The following MIB1 variants were observed in gnomAD, a reference collection of about 807,000 sequenced individuals.
The protein encoded by MIB1 is E3 ubiquitin-protein ligase MIB1.
A neutral mutation model predicts 124.5 loss-of-function variants in MIB1; 278 were observed. That is an observed-to-expected ratio of 2.23 (90% CI 2.02 to 2.47). The LOEUF (loss-of-function observed/expected upper bound fraction) is 2.47. Ranked by LOEUF, MIB1 falls within the 30% of genes most tolerant of loss-of-function variation. The pLI is 0.00. For synonymous variants in MIB1, 446 were observed against 429.4 expected (o/e 1.04, Z -0.48); for missense variants, 957 against 1,254.4 (o/e 0.76, Z 3.58).
chr18:21,840,859 AATTAGT>A (rs1256101084), intron 13 of MIB1, among the ~76,000 whole-genome samples: 1 of 151,642 alleles, frequency 6.6e-6, no homozygotes, highest in Non-Finnish European at 1.5e-5. Flanking sequence ...AAACACAAAA[AATTAGT>A]ATTAGTATAT....
In MIB1 at chr18:21,862,196, C is replaced by T. The variant is rs375545273; in HGVS notation, c.2881-2330C>T. ...ACAGGCGTGAGCTACCGCGCCTGGCCGGCTTTTTAAAAATCTAAAAAGATG... is the reference window on the plus strand; with the variant it reads ...ACAGGCGTGAGCTACCGCGCCTGGCTGGCTTTTTAAAAATCTAAAAAGATG... On this transcript the variant is annotated intron_variant, in intron 20 of 20. Coordinates refer to ENST00000261537, the MANE Select transcript of MIB1 (RefSeq NM_020774.4). 6.8e-4 allele frequency among the ~76,000 whole-genome samples: 7 copies of T among 10,236 alleles called. No homozygotes were observed. The East Asian group carries it at 0.075, about 110-fold the overall frequency. The allele number at this position is 10,236 out of a possible 152,430, so 6.7% of individuals were successfully genotyped here.
intron 1 of MIB1, among the ~76,000 whole-genome samples, chr18:21,749,914 T>G (rs2040955156): frequency 6.6e-6 from 1 of 152,088 alleles, no homozygotes; most frequent in East Asian, 1.9e-4. Context: ...AGTGCTGGGA[T>G]TACAGGCATG....
At chr18:21,795,313 T>TTATATAG (rs2041562258) in intron 7 of MIB1, among the ~76,000 whole-genome samples, 1 of 133,212 alleles carries the variant, frequency 7.5e-6, no homozygotes, top group African/African-American at 3.3e-5. Context: ...TAAATATATA[T>TTATATAG]TATATATAAT....
chr18:21,829,175 G>A, intron 12 of MIB1: 1 of 374,844 alleles, frequency 2.7e-6, no homozygotes, highest in Non-Finnish European at 5.2e-6. Context: ...GTAGAGCAAT[G>A]GTAAATCATT....
At chr18:21,798,387 TA>T (rs1472979999) in intron 8 of MIB1, among the ~76,000 whole-genome samples, 159 bp downstream of exon 8, 4 of 152,134 alleles carry the variant, frequency 2.6e-5, no homozygotes, top group Non-Finnish European at 2.9e-5. Flanking sequence ...AAACTTTCAC[TA>T]AAAATTTTTG....
rs972511176 is a variant in MIB1 at position 21,740,939 on chromosome 18, G to C, written c.-645G>C. 6.6e-6 allele frequency among the ~76,000 whole-genome samples: 1 copy of C among 152,224 alleles called. No homozygotes were observed. The highest frequency in any genetic ancestry group is 2.4e-5 in the African/African-American group (1 of 41,474). On this transcript the variant is annotated 5_prime_UTR_variant, in exon 1 of 21. Transcript: ENST00000261537. ...AAGGTGCCGCTCCGGCCTTGGGTAC[G>C]GCGGTACCCGGATGTGGAGTCGCTC... is the stretch of plus-strand genomic sequence containing the variant.
At position 21,803,768 on chromosome 18, in the gene MIB1, A is replaced by G. The variant is rs1053301793; in HGVS notation, c.1372-139A>G. 41 of 557,430 alleles carry G rather than the reference A, an allele frequency of 7.4e-5. No homozygotes were observed. In the Admixed American group the frequency reaches 1.2e-3, roughly 17 times the overall value. 34.5% of individuals were successfully genotyped at this position (557,430 alleles called of 1,614,324 possible). Reference sequence around the variant, plus strand: ...AATTAAGAAGTCTGTAGTTATCTGAACTATGATATATGGAACACCAACCTA... The same window carrying G: ...AATTAAGAAGTCTGTAGTTATCTGAGCTATGATATATGGAACACCAACCTA... On this transcript the variant is annotated intron_variant, in intron 9 of 20. Coordinates refer to ENST00000261537, the MANE Select transcript of MIB1 (RefSeq NM_020774.4).
At chr18:21,768,589 A>G (rs1568193448) in intron 2 of MIB1, 34 bp from the exon 3 acceptor site, 4 of 1,411,264 alleles carry the variant, frequency 2.8e-6, no homozygotes, top group African/African-American at 1.4e-5. Flanking sequence ...ACCTATTTTT[A>G]TATAAACTTG....
chr18:21,772,897 A>C lies in MIB1; in HGVS notation c.532-727A>C, dbSNP rs57237841. Among the ~76,000 whole-genome samples, 1,347 of 152,310 alleles carry C rather than the reference A, an allele frequency of 8.8e-3. 21 individuals are homozygous for C. Among genetic ancestry groups the C allele is most frequent in the African/African-American group, 0.03 (1,259 of 41,546 alleles). ...GTGCTTGTTAATTTTTAGTTGACCA[A>C]AAAGGTTTATCTTGAATCATTTTGG... On this transcript the variant is annotated intron_variant, in intron 3 of 20. Transcript: ENST00000261537.
At chr18:21,829,795 C>T (rs1381368239) in intron 12 of MIB1, among the ~76,000 whole-genome samples, 1 of 151,978 alleles carries the variant, frequency 6.6e-6, no homozygotes, top group Non-Finnish European at 1.5e-5. Context: ...GTAGAAATAT[C>T]TAATTTTGGT....
At chr18:21,863,988 G>C (rs1484774427) in intron 20 of MIB1, among the ~76,000 whole-genome samples, 1 of 152,024 alleles carries the variant, frequency 6.6e-6, no homozygotes, top group Non-Finnish European at 1.5e-5. Flanking sequence ...CCTGGCGACA[G>C]AGTGAGACTC....
intron 17 of MIB1, among the ~76,000 whole-genome samples, chr18:21,852,769 T>C (rs1002343929): frequency 3.3e-5 from 5 of 152,226 alleles, no homozygotes; most frequent in Non-Finnish European, 5.9e-5. Flanking sequence ...TGTCTTTCAG[T>C]CATTTCTTAT....
intron 4 of MIB1, among the ~76,000 whole-genome samples, chr18:21,776,312 T>C (rs953678917): frequency 6.6e-6 from 1 of 151,528 alleles, no homozygotes; most frequent in Non-Finnish European, 1.5e-5. Context: ...TTGACACCTA[T>C]GTCTCTTTGG....
At chr18:21,834,684 A>G (rs866516676) in intron 12 of MIB1, among the ~76,000 whole-genome samples, 2 of 152,356 alleles carry the variant, frequency 1.3e-5, no homozygotes, top group Middle Eastern at 3.4e-3. Context: ...AATAGTCTAC[A>G]CAATATCCCA....
intron 8 of MIB1, 78 bp downstream of exon 8, chr18:21,798,306 C>T (rs1235722562): frequency 2.2e-6 from 3 of 1,391,750 alleles, no homozygotes; most frequent in Non-Finnish European, 3.0e-6. Flanking sequence ...TTCTCATATA[C>T]AGATAATGTT....
At chr18:21,730,547 GAC>G (rs2040764250) in intron 1 of MIB1, among the ~76,000 whole-genome samples, 1 of 152,076 alleles carries the variant, frequency 6.6e-6, no homozygotes, top group Admixed American at 6.6e-5. Context: ...CAGCCTGGGA[GAC>G]AGAGTAAGAC....
intron 1 of MIB1, among the ~76,000 whole-genome samples, chr18:21,755,397 T>TC (rs2041020467): frequency 6.6e-6 from 1 of 151,590 alleles, no homozygotes; most frequent in Non-Finnish European, 1.5e-5. Flanking sequence ...AATGGCACTA[T>TC]CTCGGCTCAC....
chr18:21,742,406 GAA>G (rs770854529), intron 1 of MIB1, among the ~76,000 whole-genome samples: 1 of 151,650 alleles, frequency 6.6e-6, no homozygotes, highest in Non-Finnish European at 1.5e-5. Flanking sequence ...TCAATAGAGA[GAA>G]AAACATCCTG....
At chr18:21,804,255 A>G (rs1360339473) in intron 10 of MIB1, among the ~76,000 whole-genome samples, 3 of 152,218 alleles carry the variant, frequency 2.0e-5, no homozygotes, top group Non-Finnish European at 2.9e-5. Flanking sequence ...TGGTGTAACC[A>G]TCATGTTTTA....
Sources: gnomAD v4.1 joint callset for allele counts (sites outside exome capture counted in the v4.1 genomes callset) on GRCh38, gnomAD v4.1.1 for gene constraint, MANE v1.5 for transcripts, NCBI Gene and HGNC (gene_info 2026-07-23, HGNC 2026-07-21) for gene names.